Variants in SHOC2 observed in about 807,000 individuals in gnomAD.
The protein encoded by SHOC2 is SHOC2 leucine rich repeat scaffold protein.
SHOC2 carries 4 observed loss-of-function variants against 50.2 expected under a neutral mutation model. The ratio of observed to expected loss-of-function variants is 0.08; its 90% confidence interval spans 0.04 to 0.18. SHOC2 has a LOEUF of 0.18. Among genes scored for constraint, SHOC2 ranks in the 10% least tolerant of loss-of-function variants. The pLI, the probability that SHOC2 is intolerant of heterozygous loss-of-function variation, is 1.00. For missense variants in SHOC2, 388 were observed against 669.6 expected (o/e 0.58, Z 4.64); for synonymous variants, 218 against 244.5 (o/e 0.89, Z 1.01).
At chr10:111,007,918 A>G (rs1848499814) in intron 6 of SHOC2, among the ~76,000 whole-genome samples, 1 of 151,968 alleles carries the variant, frequency 6.6e-6, no homozygotes, top group Admixed American at 6.6e-5. Flanking sequence ...AAAGTTCTGT[A>G]AAAGCATCTT....
chr10:110,983,116 T>G (rs1235898454), intron 2 of SHOC2, among the ~76,000 whole-genome samples: 2 of 152,150 alleles, frequency 1.3e-5, no homozygotes, highest in Non-Finnish European at 1.5e-5. Flanking sequence ...TGATTTTAAT[T>G]ACAAAGATTT....
chr10:110,985,523 CGTT>C (rs1162041831), intron 2 of SHOC2, 102 bp from the exon 3 acceptor site: 1 of 838,480 alleles, frequency 1.2e-6, no homozygotes, highest in Non-Finnish European at 1.9e-6. Context: ...TTATGTTTCC[CGTT>C]GTTTGTGTTC....
At chr10:110,921,494 T>C (rs1846649745) in intron 1 of SHOC2, among the ~76,000 whole-genome samples, 1 of 152,184 alleles carries the variant, frequency 6.6e-6, no homozygotes. Flanking sequence ...TATGGACATG[T>C]CTTTAAGGGT....
intron 2 of SHOC2, among the ~76,000 whole-genome samples, chr10:110,970,231 G>C (rs1337505782): frequency 1.3e-5 from 2 of 152,160 alleles, no homozygotes; most frequent in East Asian, 3.9e-4. Flanking sequence ...TCAGCCTCTA[G>C]TAACCACTAT....
chr10:110,926,740 A>G (rs1416278822), intron 1 of SHOC2, among the ~76,000 whole-genome samples: 1 of 152,168 alleles, frequency 6.6e-6, no homozygotes, highest in Non-Finnish European at 1.5e-5. Flanking sequence ...TTTGTTAATA[A>G]CCTCATGTAT....
At chr10:110,984,334 A>G (rs566880966) in intron 2 of SHOC2, among the ~76,000 whole-genome samples, 3 of 152,220 alleles carry the variant, frequency 2.0e-5, no homozygotes, top group African/African-American at 7.2e-5. Flanking sequence ...CCATTTTAAA[A>G]TTGGCTTCTT....
intron 3 of SHOC2, among the ~76,000 whole-genome samples, chr10:110,988,073 T>C (rs949695981): frequency 2.0e-5 from 3 of 152,086 alleles, no homozygotes; most frequent in African/African-American, 7.2e-5. Flanking sequence ...AAAACCCGGA[T>C]AATAAGACCA....
rs577725503 is a variant in SHOC2 at position 110,954,261 on chromosome 10, A to C, written c.-234-9864A>C. 7.2e-5 allele frequency among the ~76,000 whole-genome samples: 11 copies of C among 152,232 alleles called. No individual in the cohort carries two copies. In the East Asian group the frequency reaches 1.5e-3, roughly 21 times the overall value. On this transcript the variant is annotated intron_variant, in intron 1 of 8. Transcript: ENST00000369452. ...AGAAATTGAAATATTTGAATTAATT[A>C]CATGTTTTATTTTCTGATTATACAT...
intron 1 of SHOC2, among the ~76,000 whole-genome samples, chr10:110,928,152 A>C (rs1327636537): frequency 6.6e-6 from 1 of 152,074 alleles, no homozygotes; most frequent in Non-Finnish European, 1.5e-5. Context: ...CCCTGTCTTT[A>C]CTAAAAAAAC....
chr10:110,957,517 C>G (rs1415002249), intron 1 of SHOC2, among the ~76,000 whole-genome samples: 1 of 150,962 alleles, frequency 6.6e-6, no homozygotes, highest in Admixed American at 6.7e-5. Context: ...ACATCAGATT[C>G]TTAATCATGA....
At chr10:110,990,953 A>G (rs1337864693) in intron 3 of SHOC2, among the ~76,000 whole-genome samples, 1 of 152,140 alleles carries the variant, frequency 6.6e-6, no homozygotes, top group East Asian at 1.9e-4. Flanking sequence ...CATATCAGGT[A>G]AATTCTAGCC....
intron 1 of SHOC2, among the ~76,000 whole-genome samples, chr10:110,943,056 C>A (rs924614499): frequency 7.9e-5 from 12 of 152,162 alleles, no homozygotes; most frequent in Non-Finnish European, 1.6e-4. Flanking sequence ...CATCTGCCTT[C>A]ATGTGGATTC....
intron 1 of SHOC2, among the ~76,000 whole-genome samples, chr10:110,945,773 GCGCAGCCT>G (rs1423226366): frequency 1.3e-5 from 2 of 152,108 alleles, no homozygotes; most frequent in Non-Finnish European, 2.9e-5. Context: ...TGTTCATGTT[GCGCAGCCT>G]CCTCCTTAAC....
chr10:111,007,432 G>C, intron 5 of SHOC2, 99 bp from the exon 6 acceptor site: 1 of 1,341,358 alleles, frequency 7.5e-7, no homozygotes, highest in Non-Finnish European at 1.1e-6. Flanking sequence ...AGGGGAATAA[G>C]ATTTTGTTTA....
intron 4 of SHOC2, among the ~76,000 whole-genome samples, chr10:111,004,066 G>T (rs1239235987): frequency 1.3e-5 from 2 of 152,144 alleles, no homozygotes; most frequent in East Asian, 1.9e-4. Context: ...TAGAAAAGCG[G>T]TGTATTATAC....
chr10:111,010,887 ATTAT>A (rs964923924), intron 8 of SHOC2, among the ~76,000 whole-genome samples: 1 of 152,148 alleles, frequency 6.6e-6, no homozygotes, highest in African/African-American at 2.4e-5. Context: ...CATACTAGCT[ATTAT>A]TTCTGTTATT....
At chr10:110,944,766 A>G (rs1402046579) in intron 1 of SHOC2, among the ~76,000 whole-genome samples, 2 of 152,376 alleles carry the variant, frequency 1.3e-5, no homozygotes, top group African/African-American at 4.8e-5. Context: ...ACCTCAGTAG[A>G]TAATTCAGTC....
chr10:110,964,595 T>C lies in SHOC2; in HGVS notation c.237T>C (p.Pro79=), dbSNP rs1422990702. The C allele has an allele frequency of 6.2e-7, 1 of 1,613,894 alleles. No homozygotes were observed. The highest frequency in any genetic ancestry group is 1.3e-5 in the African/African-American group (1 of 74,904). Residue 79 remains proline (P), a synonymous_variant, in exon 2 of 9, where the codon CCT becomes CCC. Coordinates refer to ENST00000369452, the MANE Select transcript of SHOC2 (RefSeq NM_007373.4). The surrounding 1 kb of genome is among the most constrained non-coding windows in gnomAD (Gnocchi z 4.9). ...DNTIKRPNPA[P]GTRKKSSNAE... is the part of the protein sequence containing the mutation. ...CGATCAAACGGCCAAACCCAGCACC[T>C]GGGACTAGAAAAAAATCCAGCAATG...
At chr10:110,940,105 G>C (rs1338174740) in intron 1 of SHOC2, among the ~76,000 whole-genome samples, 1 of 152,170 alleles carries the variant, frequency 6.6e-6, no homozygotes, top group Non-Finnish European at 1.5e-5. Context: ...AATGATAAAA[G>C]TTATTAGTGC....
Sources: allele counts gnomAD v4.1 joint callset (sites outside exome capture counted in the v4.1 genomes callset), GRCh38; gene constraint gnomAD v4.1.1; non-coding constraint Gnocchi (gnomAD v3.1); transcripts MANE v1.5; gene names NCBI Gene and HGNC (gene_info 2026-07-23, HGNC 2026-07-21).